AK8: variants seen among roughly 807,000 people sequenced by gnomAD.
AK8 encodes the protein ATP-AMP transphosphorylase 8.
AK8 carries 44 observed loss-of-function variants against 54.6 expected under a neutral mutation model. That is an observed-to-expected ratio of 0.81 (90% CI 0.63 to 1.04). The LOEUF (loss-of-function observed/expected upper bound fraction) is 1.04. Among genes scored for constraint, AK8 ranks in the 50% least tolerant of loss-of-function variants. The probability of loss-of-function intolerance (pLI) is 0.00; values close to 1 mark genes in which losing one functional copy is unlikely to be tolerated. For missense variants in AK8, 555 were observed against 613.6 expected, an observed-to-expected ratio of 0.90 and a Z score of 1.01; for synonymous variants, 239 against 245.6, an observed-to-expected ratio of 0.97 and a Z score of 0.25.
chr9:132,832,353 C>G (rs1246967770), intron 5 of AK8, among the ~76,000 whole-genome samples: 1 of 151,984 alleles, frequency 6.6e-6, no homozygotes, highest in Non-Finnish European at 1.5e-5. Flanking sequence ...CAGCCAAGCG[C>G]CGGGCTGCAG....
chr9:132,804,231 C>T (rs750999858), intron 10 of AK8, among the ~76,000 whole-genome samples: 1 of 152,156 alleles, frequency 6.6e-6, no homozygotes, highest in Non-Finnish European at 1.5e-5. Flanking sequence ...ATTGTCCACA[C>T]CACAGGGACC....
intron 11 of AK8, among the ~76,000 whole-genome samples, chr9:132,762,444 T>C (rs993135314): frequency 6.6e-6 from 1 of 152,168 alleles, no homozygotes; most frequent in Non-Finnish European, 1.5e-5. Flanking sequence ...TCAAAGTAGA[T>C]GATGTTGGAG....
At chr9:132,776,323 C>A (rs1839216050) in intron 11 of AK8, among the ~76,000 whole-genome samples, 1 of 152,238 alleles carries the variant, frequency 6.6e-6, no homozygotes, top group African/African-American at 2.4e-5. Flanking sequence ...CGCCTCCCTT[C>A]TGACCTCAAA....
rs187715627 is a variant in AK8, at chr9:132,835,922, G to A, written c.403-7196C>T. Among the ~76,000 whole-genome samples, 21 of 152,254 alleles carry A rather than the reference G, an allele frequency of 1.4e-4. No homozygotes were observed. The East Asian group carries it at 3.1e-3, about 22-fold the overall frequency. On this transcript the variant is annotated intron_variant, in intron 5 of 12. Coordinates refer to ENST00000298545, the MANE Select transcript of AK8 (RefSeq NM_152572.3). The stretch of plus-strand genomic sequence containing the variant: ...GTGGATCACCTGAGGTTGAGAGTTC[G>A]AGACCAGCCTGATCAACATGGAGAA...
At chr9:132,856,891 G>C (rs771928235) in intron 4 of AK8, among the ~76,000 whole-genome samples, 1 of 152,154 alleles carries the variant, frequency 6.6e-6, no homozygotes, top group Non-Finnish European at 1.5e-5. Flanking sequence ...GCGAGAGAAC[G>C]AGGGAGGGGG....
intron 11 of AK8, among the ~76,000 whole-genome samples, chr9:132,730,730 C>T (rs891545832): frequency 6.6e-6 from 1 of 152,088 alleles, no homozygotes; most frequent in African/African-American, 2.4e-5. Context: ...CTGTGAGCCC[C>T]GGAAATTAGA....
intron 9 of AK8, among the ~76,000 whole-genome samples, chr9:132,821,006 C>G (rs1468598703): frequency 1.3e-5 from 2 of 152,006 alleles, no homozygotes; most frequent in Non-Finnish European, 2.9e-5. Context: ...CTAAAAGAGC[C>G]CCATCATGGC....
chr9:132,878,360 G>A (rs533488444), upstream of AK8: 126 of 1,254,692 alleles, frequency 1.0e-4, no homozygotes, highest in Non-Finnish European at 1.2e-4. This position sits in a 1 kb window ranked among gnomAD's most constrained non-coding sequence, Gnocchi z 4.7. Context: ...GCTCCGCGCC[G>A]GGCCCAGATA....
intron 10 of AK8, among the ~76,000 whole-genome samples, chr9:132,813,015 C>T (rs1754427): frequency 3.7e-5 from 5 of 134,758 alleles, no homozygotes; most frequent in African/African-American, 1.2e-4. Flanking sequence ...CACTGCCCTG[C>T]ACCTACAGAG....
At chr9:132,878,374 G>A, upstream of AK8, 2 of 1,248,254 alleles carry the variant, frequency 1.6e-6, no homozygotes, top group Non-Finnish European at 1.0e-6. The surrounding 1 kb of genome is among the most constrained non-coding windows in gnomAD (Gnocchi z 4.7). Flanking sequence ...CCAGATACCC[G>A]ATCCTCGGTC....
At chr9:132,785,587 C>T (rs911240376) in intron 11 of AK8, among the ~76,000 whole-genome samples, 10 of 152,064 alleles carry the variant, frequency 6.6e-5, no homozygotes, top group Non-Finnish European at 1.3e-4. Context: ...AAACACATCC[C>T]ATAAAGAAAA....
At position 132,878,180 on chromosome 9, in the gene AK8, A is replaced by G; in HGVS notation, c.76T>C (p.Leu26=). The G allele has an allele frequency of 2.0e-6, 3 of 1,482,194 alleles. No individual in the cohort carries two copies. Among genetic ancestry groups the G allele is most frequent in the Middle Eastern group, 1.8e-4 (1 of 5,468 alleles). The allele number at this position is 1,482,194 out of a possible 1,614,324, so 91.8% of individuals were successfully genotyped here. A position where few individuals can be genotyped will look rare whatever the true frequency, so the allele number is the denominator to read the frequency against. ...QYGEENHIFE[L]MQNMLEQLLI... ...CAGGGGTGTCCGGTCACCTGCATCA[A>G]CTCGAAGATGTGGTTCTCCTCCCCG... Residue 26 remains leucine, a synonymous_variant, in exon 1 of 13, where the codon TTG becomes CTG. Transcript: ENST00000298545. This position sits in a 1 kb window ranked among gnomAD's most constrained non-coding sequence, Gnocchi z 4.7.
chr9:132,749,055 A>G (rs1244236838), intron 11 of AK8, among the ~76,000 whole-genome samples: 1 of 151,782 alleles, frequency 6.6e-6, no homozygotes, highest in Admixed American at 6.6e-5. Context: ...TTGTATTTTT[A>G]GTAGAGACGG....
intron 5 of AK8, among the ~76,000 whole-genome samples, chr9:132,844,297 C>CAAAAAAAAAAAAA (rs35309762): frequency 6.4e-4 from 59 of 92,480 alleles, no homozygotes; most frequent in East Asian, 1.3e-3. Context: ...TGCATTAGAC[C>CAAAAAAAAAAAAA]AAAAAAAAAA....
chr9:132,807,990 T>C (rs549555803), intron 10 of AK8, among the ~76,000 whole-genome samples: 55 of 152,070 alleles, frequency 3.6e-4, no homozygotes, highest in Middle Eastern at 3.4e-3. Flanking sequence ...GCGCCTTTGC[T>C]TGAGTTCAGA....
intron 4 of AK8, among the ~76,000 whole-genome samples, chr9:132,862,586 C>T (rs1843434764): frequency 6.6e-6 from 1 of 152,222 alleles, no homozygotes; most frequent in South Asian, 2.1e-4. Context: ...ACCTTGGCCT[C>T]CCAAAGGGCT....
At chr9:132,762,994 A>T (rs1263423868) in intron 11 of AK8, among the ~76,000 whole-genome samples, 1 of 152,230 alleles carries the variant, frequency 6.6e-6, no homozygotes, top group Non-Finnish European at 1.5e-5. Flanking sequence ...AAAGGTAGAA[A>T]AGAGGATTCC....
intron 11 of AK8, among the ~76,000 whole-genome samples, chr9:132,780,126 A>G (rs569449857): frequency 1.2e-4 from 18 of 152,288 alleles, no homozygotes; most frequent in Non-Finnish European, 2.4e-4. Flanking sequence ...GTGATCTGGG[A>G]ACAAAGTGGG....
At chr9:132,870,659 T>C (rs1247757809) in intron 2 of AK8, among the ~76,000 whole-genome samples, 1 of 152,252 alleles carries the variant, frequency 6.6e-6, no homozygotes, top group Non-Finnish European at 1.5e-5. Context: ...TGCTCCCTCG[T>C]GTGCTCGCTC....
Sources: allele counts gnomAD v4.1 joint callset (sites outside exome capture counted in the v4.1 genomes callset), GRCh38; gene constraint gnomAD v4.1.1; non-coding constraint Gnocchi (gnomAD v3.1); transcripts MANE v1.5; gene names NCBI Gene and HGNC (gene_info 2026-07-23, HGNC 2026-07-21).